The following NFATC2 variants were observed in gnomAD, a reference collection of about 807,000 sequenced individuals.
NFATC2 encodes the protein nuclear factor of activated T-cells, cytoplasmic 2.
A neutral mutation model predicts 87.3 loss-of-function variants in NFATC2; 22 were observed. That is an observed-to-expected ratio of 0.25 (90% CI 0.18 to 0.36). The LOEUF is 0.36. Ranked by LOEUF, NFATC2 falls within the 10% of genes least tolerant of loss-of-function variation. The pLI is 1.00. For synonymous variants in NFATC2, 565 were observed against 542.2 expected (o/e 1.04, Z -0.58); for missense variants, 1,149 against 1,259.1 (o/e 0.91, Z 1.32).
chr20:51,477,073 G>T (rs1411589945), intron 3 of NFATC2, among the ~76,000 whole-genome samples: 1 of 152,052 alleles, frequency 6.6e-6, no homozygotes, highest in Non-Finnish European at 1.5e-5. Context: ...GTATATGCAG[G>T]AGACACGTAC....
At chr20:51,408,267 A>T (rs1245554160) in intron 9 of NFATC2, among the ~76,000 whole-genome samples, 1 of 152,192 alleles carries the variant, frequency 6.6e-6, no homozygotes, top group Non-Finnish European at 1.5e-5. Flanking sequence ...TAATCCCAGT[A>T]CTTTGGGAGG....
chr20:51,487,707 T>A (rs1035893724), intron 3 of NFATC2, among the ~76,000 whole-genome samples: 1 of 151,682 alleles, frequency 6.6e-6, no homozygotes, highest in African/African-American at 2.4e-5. Flanking sequence ...ATAAAAAAGG[T>A]GAGTTATTCC....
At chr20:51,416,855 G>C (rs890894378) in intron 9 of NFATC2, among the ~76,000 whole-genome samples, 6 of 152,198 alleles carry the variant, frequency 3.9e-5, no homozygotes, top group South Asian at 4.1e-4. Context: ...ATGGGGGCCA[G>C]AGGGACAGTA....
At chr20:51,458,340 C>T (rs910248898) in intron 5 of NFATC2, among the ~76,000 whole-genome samples, 3 of 152,072 alleles carry the variant, frequency 2.0e-5, no homozygotes, top group Admixed American at 6.6e-5. Flanking sequence ...GCCAGGAGCA[C>T]CCTACCCCCC....
chr20:51,558,272 G>A (rs1050077108), intron 1 of NFATC2, among the ~76,000 whole-genome samples: 1 of 152,106 alleles, frequency 6.6e-6, no homozygotes, highest in African/African-American at 2.4e-5. Flanking sequence ...AGCCCAGGAG[G>A]TCAAGGCTAC....
At chr20:51,537,170 G>T (rs1436182859) in intron 1 of NFATC2, among the ~76,000 whole-genome samples, 1 of 151,850 alleles carries the variant, frequency 6.6e-6, no homozygotes, top group Non-Finnish European at 1.5e-5. Context: ...GGACACAGAA[G>T]GGTCTGTGAG....
In NFATC2 at chr20:51,531,194, C is replaced by T. The variant is rs796360712; in HGVS notation, c.131-7084G>A. On this transcript the variant is annotated intron_variant, in intron 1 of 10. Coordinates refer to ENST00000371564, the MANE Select transcript of NFATC2 (RefSeq NM_012340.5). ...CAGGCTCGCCCCCAGCTGAGAACCA[C>T]GGCTCCTGGCTTTAGAGCCCCAGCA... 6.6e-5 allele frequency among the ~76,000 whole-genome samples: 10 copies of T among 152,254 alleles called. No individual in the cohort carries two copies. The East Asian group carries it at 1.3e-3, about 20-fold the overall frequency.
At chr20:51,513,099 A>C (rs1400517728) in intron 3 of NFATC2, among the ~76,000 whole-genome samples, 1 of 152,208 alleles carries the variant, frequency 6.6e-6, no homozygotes, top group East Asian at 1.9e-4. Flanking sequence ...TAATCTATTC[A>C]AATGACTTTT....
chr20:51,559,704 G>A (rs762983829), intron 1 of NFATC2, among the ~76,000 whole-genome samples: 7 of 152,180 alleles, frequency 4.6e-5, no homozygotes, highest in African/African-American at 1.2e-4. Flanking sequence ...TATGTTTGCC[G>A]TCACCATCTA....
chr20:51,542,641 G>C lies in NFATC2; in HGVS notation c.-142C>G. On this transcript the variant is annotated 5_prime_UTR_variant, in exon 1 of 11. Coordinates refer to ENST00000371564, the MANE Select transcript of NFATC2 (RefSeq NM_012340.5). Reference sequence around the variant, plus strand: ...AGGGACGCACGCCGGGTCCGGGGACGGCGCGCCTGGCGCAGCGGGTCCTGG... The same window carrying C: ...AGGGACGCACGCCGGGTCCGGGGACCGCGCGCCTGGCGCAGCGGGTCCTGG... 6 of 1,190,426 alleles carry C rather than the reference G, an allele frequency of 5.0e-6. No homozygotes were observed. The highest frequency in any genetic ancestry group is 6.2e-6 in the Non-Finnish European group (6 of 960,366). The allele number at this position is 1,190,426 out of a possible 1,614,324, so 73.7% of individuals were successfully genotyped here.
intron 9 of NFATC2, among the ~76,000 whole-genome samples, chr20:51,411,198 G>A (rs974750181): frequency 6.6e-6 from 1 of 152,156 alleles, no homozygotes; most frequent in Non-Finnish European, 1.5e-5. Flanking sequence ...TCAGAGTTAC[G>A]CAGGTAGCAC....
chr20:51,470,195 G>A (rs558009790), intron 5 of NFATC2, among the ~76,000 whole-genome samples: 1 of 152,260 alleles, frequency 6.6e-6, no homozygotes, highest in South Asian at 2.1e-4. Flanking sequence ...GAAGTGGGAG[G>A]TGGGGTTATC....
At chr20:51,508,700 G>A (rs1044899542) in intron 3 of NFATC2, among the ~76,000 whole-genome samples, 1 of 152,002 alleles carries the variant, frequency 6.6e-6, no homozygotes, top group Non-Finnish European at 1.5e-5. Context: ...GGATGAACAG[G>A]GTCCCTAGAG....
chr20:51,518,956 A>G (rs1490023345), intron 2 of NFATC2, among the ~76,000 whole-genome samples: 1 of 152,140 alleles, frequency 6.6e-6, no homozygotes, highest in East Asian at 1.9e-4. Flanking sequence ...GTATGCAACC[A>G]GGCCTAGCTA....
At chr20:51,547,819 A>G (rs1237508226) in intron 1 of NFATC2, among the ~76,000 whole-genome samples, 1 of 152,110 alleles carries the variant, frequency 6.6e-6, no homozygotes, top group African/African-American at 2.4e-5. Context: ...AGGCAGTTGC[A>G]CCAAATGTAA....
At chr20:51,441,186 G>C (rs1984283330) in intron 6 of NFATC2, among the ~76,000 whole-genome samples, 1 of 152,174 alleles carries the variant, frequency 6.6e-6, no homozygotes, top group South Asian at 2.1e-4. Flanking sequence ...GGGAGGCTGA[G>C]GCAGGAGAAT....
chr20:51,398,353 C>T (rs1461508766), intron 10 of NFATC2, among the ~76,000 whole-genome samples: 1 of 152,090 alleles, frequency 6.6e-6, no homozygotes, highest in Non-Finnish European at 1.5e-5. Context: ...AAGGAGCAGG[C>T]TCCAAAGACG....
chr20:51,483,645 G>A (rs1426618357), intron 3 of NFATC2, among the ~76,000 whole-genome samples: 1 of 112,310 alleles, frequency 8.9e-6, no homozygotes, highest in African/African-American at 3.5e-5. Flanking sequence ...ACACACACAA[G>A]CAGACCAGGC....
At chr20:51,503,020 G>T (rs2076115923) in intron 3 of NFATC2, among the ~76,000 whole-genome samples, 1 of 152,208 alleles carries the variant, frequency 6.6e-6, no homozygotes, top group South Asian at 2.1e-4. Context: ...GTGCTGAGCA[G>T]TATGCCAAAT....
Sources: allele counts gnomAD v4.1 joint callset (sites outside exome capture counted in the v4.1 genomes callset), GRCh38; gene constraint gnomAD v4.1.1; transcripts MANE v1.5; gene names NCBI Gene and HGNC (gene_info 2026-07-23, HGNC 2026-07-21).